The following NEMP2 variants were observed in gnomAD, a reference collection of about 807,000 sequenced individuals.
NEMP2 encodes UPF0571 transmembrane protein.
NEMP2 carries 53 observed loss-of-function variants against 54.2 expected under a neutral mutation model. That is an observed-to-expected ratio of 0.98 (90% CI 0.78 to 1.23). The LOEUF (loss-of-function observed/expected upper bound fraction) is 1.23. Ranked by LOEUF, NEMP2 falls within the 50% of genes most tolerant of loss-of-function variation. The pLI is 0.00. For synonymous variants in NEMP2, 197 were observed against 190.3 expected (o/e 1.04, Z -0.29); for missense variants, 455 against 511.3 (o/e 0.89, Z 1.06).
the NEMP2 span, among the ~76,000 whole-genome samples, chr2:190,426,655 A>G: frequency 6.6e-6 from 1 of 152,028 alleles, no homozygotes; most frequent in Non-Finnish European, 1.5e-5. The surrounding 1 kb of genome is among the most constrained non-coding windows in gnomAD (Gnocchi z 4.7). Context: ...TGGAGTCCCC[A>G]GTGTCTATTA....
At chr2:190,589,900 T>C in the NEMP2 span, among the ~76,000 whole-genome samples, 7 of 152,152 alleles carry the variant, frequency 4.6e-5, no homozygotes, top group Non-Finnish European at 8.8e-5. The surrounding 1 kb of genome is among the most constrained non-coding windows in gnomAD (Gnocchi z 4.3). Flanking sequence ...TGGAGATAAA[T>C]TGTGGCTGCT....
In NEMP2 at chr2:190,509,635, C is replaced by T. The variant is rs1158993715; in HGVS notation, c.1131-323G>A. Reference sequence around the variant, plus strand: ...ATTATTCATTATTTTGTTTCAAATACTTCCCCCTTCCATCTTTAATTTGAG... The same window carrying T: ...ATTATTCATTATTTTGTTTCAAATATTTCCCCCTTCCATCTTTAATTTGAG... On this transcript the variant is annotated intron_variant, in intron 8 of 8. Transcript: ENST00000409150. The surrounding 1 kb of genome is among the most constrained non-coding windows in gnomAD (Gnocchi z 6.1). 6.6e-6 allele frequency among the ~76,000 whole-genome samples: 1 copy of T among 152,208 alleles called. No individual in the cohort carries two copies. The highest frequency in any genetic ancestry group is 2.4e-5 in the African/African-American group (1 of 41,442).
the NEMP2 span, among the ~76,000 whole-genome samples, chr2:190,475,592 C>T: frequency 1.3e-5 from 2 of 152,144 alleles, no homozygotes; most frequent in Admixed American, 1.3e-4. Context: ...ACATTCCATG[C>T]TCATGGATAG....
the NEMP2 span, among the ~76,000 whole-genome samples, chr2:190,446,589 G>A: frequency 6.6e-6 from 1 of 152,160 alleles, no homozygotes; most frequent in Non-Finnish European, 1.5e-5. Flanking sequence ...AAATTTGGGG[G>A]ATCAGAGAGA....
Position 190,527,115 on chromosome 2 carries a change from A to G in NEMP2, c.98-1737T>C, listed in dbSNP as rs1396572304. ...TAGGAAACAGGAACAAGGAACACTT[A>G]TGGGTACACAAAGAAATGGGCTTTA... is the stretch of plus-strand genomic sequence containing the variant. On this transcript the variant is annotated intron_variant, in intron 1 of 8. Coordinates refer to ENST00000409150, the MANE Select transcript of NEMP2 (RefSeq NM_001142645.2). This position sits in a 1 kb window ranked among gnomAD's most constrained non-coding sequence, Gnocchi z 4.0. Among the ~76,000 whole-genome samples the G allele has an allele frequency of 6.6e-6, 1 of 152,212 alleles. No individual in the cohort carries two copies. The highest frequency in any genetic ancestry group is 1.5e-5 in the Non-Finnish European group (1 of 68,036).
the NEMP2 span, among the ~76,000 whole-genome samples, chr2:190,584,937 AAG>A: frequency 6.8e-6 from 1 of 147,354 alleles, no homozygotes; most frequent in South Asian, 2.1e-4. The surrounding 1 kb of genome is among the most constrained non-coding windows in gnomAD (Gnocchi z 4.2). Flanking sequence ...GAAAGAAAGA[AAG>A]AAAGAAAGAA....
At chr2:190,539,049 G>A (rs1050049989), upstream of NEMP2, among the ~76,000 whole-genome samples, 1 of 152,034 alleles carries the variant, frequency 6.6e-6, no homozygotes, top group Non-Finnish European at 1.5e-5. The surrounding 1 kb of genome is among the most constrained non-coding windows in gnomAD (Gnocchi z 4.1). Context: ...TCAATGTCCT[G>A]AAACGTTTTC....
At chr2:190,458,420 A>C in the NEMP2 span, among the ~76,000 whole-genome samples, 1 of 152,020 alleles carries the variant, frequency 6.6e-6, no homozygotes, top group Non-Finnish European at 1.5e-5. This position sits in a 1 kb window ranked among gnomAD's most constrained non-coding sequence, Gnocchi z 5.3. Flanking sequence ...AGCCAACGAG[A>C]GGGGCCCTGG....
chr2:190,617,640 G>C, the NEMP2 span, among the ~76,000 whole-genome samples: 1 of 152,092 alleles, frequency 6.6e-6, no homozygotes. The surrounding 1 kb of genome is among the most constrained non-coding windows in gnomAD (Gnocchi z 5.0). Flanking sequence ...TATTTATACT[G>C]TCTAAATCCT....
the NEMP2 span, among the ~76,000 whole-genome samples, chr2:190,636,639 T>C: frequency 6.6e-6 from 1 of 152,246 alleles, no homozygotes; most frequent in African/African-American, 2.4e-5. Context: ...AGTTGCTCCC[T>C]ACCCCAGAAT....
chr2:190,527,277 T>A lies in NEMP2; in HGVS notation c.98-1899A>T, dbSNP rs1025598886. On this transcript the variant is annotated intron_variant, in intron 1 of 8. Transcript: ENST00000409150. The surrounding 1 kb of genome is among the most constrained non-coding windows in gnomAD (Gnocchi z 4.0). ...CAGTAACTACTAGTAAACAATCACA[T>A]CCATGTAGGGAATAATACTGAATAT... Among the ~76,000 whole-genome samples the A allele has an allele frequency of 6.6e-6, 1 of 152,122 alleles. No individual in the cohort carries two copies. The highest frequency in any genetic ancestry group is 1.5e-5 in the Non-Finnish European group (1 of 68,020).
the NEMP2 span, among the ~76,000 whole-genome samples, chr2:190,600,504 G>A: frequency 6.6e-6 from 1 of 152,222 alleles, no homozygotes; most frequent in Admixed American, 6.5e-5. This position sits in a 1 kb window ranked among gnomAD's most constrained non-coding sequence, Gnocchi z 4.9. Context: ...GGTCATGGGT[G>A]TGGATTCTTT....
At chr2:190,482,279 G>A in the NEMP2 span, among the ~76,000 whole-genome samples, 1 of 152,172 alleles carries the variant, frequency 6.6e-6, no homozygotes, top group Non-Finnish European at 1.5e-5. Flanking sequence ...CATTTAATGT[G>A]TGAAACCACT....
Position 190,529,219 on chromosome 2 carries a change from C to T in NEMP2, c.98-3841G>A, listed in dbSNP as rs1049691573. On this transcript the variant is annotated intron_variant, in intron 1 of 8. Coordinates refer to ENST00000409150, the MANE Select transcript of NEMP2 (RefSeq NM_001142645.2). This position sits in a 1 kb window ranked among gnomAD's most constrained non-coding sequence, Gnocchi z 4.7. ...AAACAAACAAAAACATGAATGGGAA[C>T]CCATCATTTACCTGCTTAAAACCCT... is the stretch of plus-strand genomic sequence containing the variant. 6.6e-6 allele frequency among the ~76,000 whole-genome samples: 1 copy of T among 152,034 alleles called. No homozygotes were observed. Among genetic ancestry groups the T allele is most frequent in the Admixed American group, 6.6e-5 (1 of 15,264 alleles).
At chr2:190,628,055 A>C in the NEMP2 span, 1 of 152,286 alleles carries the variant, frequency 6.6e-6, no homozygotes, top group South Asian at 2.1e-4. This position sits in a 1 kb window ranked among gnomAD's most constrained non-coding sequence, Gnocchi z 4.1. Flanking sequence ...CTCCCCTGGC[A>C]GCTGCACACT....
chr2:190,635,804 A>C, the NEMP2 span, among the ~76,000 whole-genome samples: 1 of 152,148 alleles, frequency 6.6e-6, no homozygotes, highest in Admixed American at 6.5e-5. The surrounding 1 kb of genome is among the most constrained non-coding windows in gnomAD (Gnocchi z 4.1). Flanking sequence ...AACTTAACTA[A>C]ATACCACCAA....
the NEMP2 span, among the ~76,000 whole-genome samples, chr2:190,479,663 A>G: frequency 6.6e-6 from 1 of 152,326 alleles, no homozygotes; most frequent in African/African-American, 2.4e-5. Context: ...CTGAGCAAGA[A>G]TCAGAATTAT....
chr2:190,534,454 T>A (rs1691286410), intron 1 of NEMP2, 105 bp downstream of exon 1: 3 of 1,239,580 alleles, frequency 2.4e-6, no homozygotes, highest in Non-Finnish European at 2.0e-6. Context: ...CCCGCCCCAG[T>A]GGGCCTCGCG....
At chr2:190,498,974 C>A in the NEMP2 span, among the ~76,000 whole-genome samples, 1 of 151,774 alleles carries the variant, frequency 6.6e-6, no homozygotes, top group African/African-American at 2.4e-5. The surrounding 1 kb of genome is among the most constrained non-coding windows in gnomAD (Gnocchi z 5.9). Flanking sequence ...ATGGTGAAAC[C>A]CCGTCTCTAC....
Sources: allele counts gnomAD v4.1 joint callset (sites outside exome capture counted in the v4.1 genomes callset), GRCh38; gene constraint gnomAD v4.1.1; non-coding constraint Gnocchi (gnomAD v3.1); transcripts MANE v1.5; gene names NCBI Gene and HGNC (gene_info 2026-07-23, HGNC 2026-07-21).